Variants in CTNNA2 observed in about 807,000 individuals in gnomAD.
The protein encoded by CTNNA2 is catenin alpha 2.
A neutral mutation model predicts 101.0 loss-of-function variants in CTNNA2; 42 were observed. That is an observed-to-expected ratio of 0.42 (90% CI 0.32 to 0.54). The LOEUF is 0.54. CTNNA2 is among the 20% of genes least tolerant of loss of function. CTNNA2 has a pLI of 0.14. For missense variants in CTNNA2, 871 were observed against 1,223.1 expected (o/e 0.71, Z 4.29); for synonymous variants, 450 against 456.4 (o/e 0.99, Z 0.18).
At chr2:79,726,306 T>C (rs1045097586) in intron 2 of CTNNA2, among the ~76,000 whole-genome samples, 3 of 152,146 alleles carry the variant, frequency 2.0e-5, no homozygotes, top group Non-Finnish European at 4.4e-5. Context: ...GTGTTTTAAG[T>C]AGTTTGTGGT....
chr2:80,092,774 C>T (rs1558799764), intron 7 of CTNNA2, among the ~76,000 whole-genome samples: 2 of 152,012 alleles, frequency 1.3e-5, no homozygotes, highest in Non-Finnish European at 2.9e-5. Flanking sequence ...TTCTTCAGCT[C>T]CCATTGCCAT....
chr2:80,300,231 A>C (rs1676124718), intron 7 of CTNNA2, among the ~76,000 whole-genome samples: 1 of 151,722 alleles, frequency 6.6e-6, no homozygotes, highest in Non-Finnish European at 1.5e-5. Context: ...TTAATTATAA[A>C]TAAAGCAAGA....
chr2:79,925,441 A>G (rs1488873998), intron 7 of CTNNA2, among the ~76,000 whole-genome samples: 1 of 152,140 alleles, frequency 6.6e-6, no homozygotes, highest in Non-Finnish European at 1.5e-5. Flanking sequence ...TTCTTGTGAT[A>G]TATTCCTAAT....
At chr2:80,153,505 A>G (rs373125495) in intron 7 of CTNNA2, among the ~76,000 whole-genome samples, 2 of 152,182 alleles carry the variant, frequency 1.3e-5, no homozygotes, top group African/African-American at 4.8e-5. Flanking sequence ...GTTTGAAAGG[A>G]AGGATCTGGC....
chr2:79,338,938 G>C (rs944599090), intron 3 of CTNNA2, among the ~76,000 whole-genome samples: 4 of 152,126 alleles, frequency 2.6e-5, no homozygotes, highest in Non-Finnish European at 5.9e-5. Context: ...CTTGCTTTGA[G>C]GGACAGGTCA....
At chr2:80,106,253 G>A (rs993682401) in intron 7 of CTNNA2, among the ~76,000 whole-genome samples, 2 of 152,158 alleles carry the variant, frequency 1.3e-5, no homozygotes, top group Non-Finnish European at 2.9e-5. Flanking sequence ...ATGGTAATGA[G>A]TGGAGTTTGC....
intron 6 of CTNNA2, among the ~76,000 whole-genome samples, chr2:79,886,348 G>A (rs547492417): frequency 6.6e-6 from 1 of 152,230 alleles, no homozygotes; most frequent in East Asian, 1.9e-4. Flanking sequence ...AGAGGATGGG[G>A]AAAAGTCAGT....
chr2:79,535,588 C>T (rs1016037478), intron 1 of CTNNA2, among the ~76,000 whole-genome samples: 2 of 151,972 alleles, frequency 1.3e-5, no homozygotes, highest in Non-Finnish European at 2.9e-5. Context: ...AAAAATTATG[C>T]CCTTCAAAAT....
intron 7 of CTNNA2, among the ~76,000 whole-genome samples, chr2:79,956,855 T>TTTTTTTTTTTC (rs1689269454): frequency 6.7e-6 from 1 of 148,294 alleles, no homozygotes; most frequent in African/African-American, 2.5e-5. Flanking sequence ...TTTTTTTTTT[T>TTTTTTTTTTTC]TTTTTTTTTT....
At chr2:79,473,095 A>G (rs749480139) in intron 4 of CTNNA2, among the ~76,000 whole-genome samples, 1 of 152,144 alleles carries the variant, frequency 6.6e-6, no homozygotes, top group East Asian at 1.9e-4. Context: ...CATTCTGTTC[A>G]TGATTACTTT....
chr2:79,569,761 T>G lies in CTNNA2; in HGVS notation c.-6+56554T>G, dbSNP rs1167060261. On this transcript the variant is annotated intron_variant, in intron 1 of 18. Coordinates refer to ENST00000402739, the MANE Select transcript of CTNNA2 (RefSeq NM_001282597.3). ...TTTAAAACATATGTAGGCTCAGGCT[T>G]TACTTTTTTAAGTAAGTTAAATATA... 1.3e-4 allele frequency among the ~76,000 whole-genome samples: 20 copies of G among 152,324 alleles called. No individual in the cohort carries two copies. In the East Asian group the frequency reaches 3.9e-3, roughly 29 times the overall value.
At chr2:79,654,777 C>G (rs17017410) in intron 2 of CTNNA2, among the ~76,000 whole-genome samples, 2 of 151,758 alleles carry the variant, frequency 1.3e-5, no homozygotes, top group South Asian at 2.1e-4. Flanking sequence ...CTTGTTAGTT[C>G]TATAAAAATT....
At chr2:79,399,489 C>G (rs1678267582) in intron 4 of CTNNA2, among the ~76,000 whole-genome samples, 1 of 152,010 alleles carries the variant, frequency 6.6e-6, no homozygotes, top group African/African-American at 2.4e-5. Flanking sequence ...AAGATGTTCT[C>G]TAACCAATCA....
chr2:79,534,531 G>GT (rs35927990), intron 1 of CTNNA2, among the ~76,000 whole-genome samples: 12 of 151,176 alleles, frequency 7.9e-5, no homozygotes, highest in African/African-American at 1.7e-4. Context: ...CTTGTGAACA[G>GT]TTTTTTTTTC....
At chr2:79,625,420 A>G (rs1229063511) in intron 1 of CTNNA2, among the ~76,000 whole-genome samples, 1 of 152,222 alleles carries the variant, frequency 6.6e-6, no homozygotes, top group Non-Finnish European at 1.5e-5. Flanking sequence ...TGGGAAATCA[A>G]TATTCTGAAG....
intron 9 of CTNNA2, among the ~76,000 whole-genome samples, chr2:80,421,826 A>T: frequency 6.6e-6 from 1 of 151,810 alleles, no homozygotes; most frequent in Non-Finnish European, 1.5e-5. Flanking sequence ...AAAAACCCAA[A>T]CTTGAACCAC....
intron 3 of CTNNA2, among the ~76,000 whole-genome samples, chr2:79,768,280 G>C (rs989949239): frequency 6.6e-6 from 1 of 151,364 alleles, no homozygotes; most frequent in South Asian, 2.1e-4. Context: ...AGTGATCCAG[G>C]AGTTTTCTGT....
At chr2:80,102,921 G>T (rs954403818) in intron 7 of CTNNA2, among the ~76,000 whole-genome samples, 1 of 151,474 alleles carries the variant, frequency 6.6e-6, no homozygotes, top group African/African-American at 2.4e-5. Context: ...CAGGACAGTG[G>T]GGGGCAGACC....
At chr2:80,559,895 C>CACAA (rs1347113596) in intron 12 of CTNNA2, among the ~76,000 whole-genome samples, 4 of 101,884 alleles carry the variant, frequency 3.9e-5, no homozygotes, top group Non-Finnish European at 6.6e-5. Flanking sequence ...TATATATACA[C>CACAA]ACACATACAG....
Sources: allele counts gnomAD v4.1 joint callset (sites outside exome capture counted in the v4.1 genomes callset), GRCh38; gene constraint gnomAD v4.1.1; transcripts MANE v1.5; gene names NCBI Gene and HGNC (gene_info 2026-07-23, HGNC 2026-07-21).